Variants in SLIT1 observed in about 807,000 individuals in gnomAD.
SLIT1 encodes the protein slit homolog 1 protein.
SLIT1 carries 66 observed loss-of-function variants against 186.1 expected under a neutral mutation model. That is an observed-to-expected ratio of 0.35 (90% confidence interval 0.29 to 0.44). The LOEUF (loss-of-function observed/expected upper bound fraction) is 0.44, where lower values mean the gene tolerates loss of function less well. SLIT1 is among the 20% of genes least tolerant of loss of function. The pLI is 1.00. For synonymous variants in SLIT1, 761 were observed against 833.8 expected (o/e 0.91, Z 1.50); for missense variants, 1,638 against 2,037.4 (o/e 0.80, Z 3.77).
At chr10:97,026,910 A>C (rs1848551016) in intron 25 of SLIT1, among the ~76,000 whole-genome samples, 2 of 152,164 alleles carry the variant, frequency 1.3e-5, no homozygotes, top group Non-Finnish European at 2.9e-5. Context: ...AGAGAAGAAT[A>C]AATTGTCTGA....
chr10:97,122,884 C>G (rs1038306259), intron 4 of SLIT1, among the ~76,000 whole-genome samples: 1 of 152,136 alleles, frequency 6.6e-6, no homozygotes, highest in African/African-American at 2.4e-5. Flanking sequence ...CTCAGCAGCT[C>G]TATATTTCAC....
intron 11 of SLIT1, chr10:97,057,775 CAA>C: frequency 2.1e-6 from 1 of 486,534 alleles, no homozygotes; most frequent in East Asian, 3.1e-5. Flanking sequence ...TTAGCATTTT[CAA>C]AGTTTTCTGC....
intron 4 of SLIT1, among the ~76,000 whole-genome samples, chr10:97,145,351 C>T (rs947750219): frequency 5.9e-5 from 9 of 152,076 alleles, no homozygotes; most frequent in African/African-American, 1.7e-4. Context: ...CTCCTGACCT[C>T]GCGACCCACC....
chr10:97,001,817 C>T (rs2134584021), intron 36 of SLIT1, among the ~76,000 whole-genome samples: 1 of 152,224 alleles, frequency 6.6e-6, no homozygotes, highest in South Asian at 2.1e-4. Context: ...AAGGAGTCCC[C>T]AACCCTCGGA....
chr10:97,182,050 C>T (rs1031204164), intron 1 of SLIT1, among the ~76,000 whole-genome samples: 1 of 152,198 alleles, frequency 6.6e-6, no homozygotes, highest in East Asian at 1.9e-4. Context: ...CTTCCCGGGC[C>T]GCCTCCGCCA....
chr10:97,048,557 G>T (rs1489323199), intron 14 of SLIT1, among the ~76,000 whole-genome samples: 1 of 152,100 alleles, frequency 6.6e-6, no homozygotes, highest in Admixed American at 6.5e-5. Context: ...TTCTTCCCTA[G>T]GCCTCAATAA....
intron 4 of SLIT1, among the ~76,000 whole-genome samples, chr10:97,138,428 C>G (rs543738468): frequency 2.6e-5 from 4 of 152,342 alleles, no homozygotes; most frequent in African/African-American, 9.6e-5. Flanking sequence ...GGGACGGTCA[C>G]CACGGTCTGT....
At position 97,089,351 on chromosome 10, in the gene SLIT1, G is replaced by C. The variant is rs558719381; in HGVS notation, c.414-23265C>G. On this transcript the variant is annotated intron_variant, in intron 4 of 36. Coordinates refer to ENST00000266058, the MANE Select transcript of SLIT1 (RefSeq NM_003061.3). ...GGACTTCGCTTTTTGCAGCAGTGAG[G>C]GGTGGCAGTGAGTCCCTGTCGCACC... Among the ~76,000 whole-genome samples, 4 of 152,166 alleles carry C rather than the reference G, an allele frequency of 2.6e-5. No individual in the cohort carries two copies. In the South Asian group the frequency reaches 6.2e-4, roughly 24 times the overall value.
At chr10:97,060,060 C>G in intron 10 of SLIT1, 27 bp downstream of exon 10, 1 of 1,584,632 alleles carries the variant, frequency 6.3e-7, no homozygotes, top group Non-Finnish European at 8.7e-7. Context: ...TGTACCAGCT[C>G]CCCAGGAAGC....
In SLIT1 at chr10:97,060,854, G is replaced by A. The variant is rs377700447; in HGVS notation, c.794-67C>T. 2.1e-5 allele frequency: 31 copies of A among 1,473,828 alleles called. 1 individual carries two copies. Among genetic ancestry groups the A allele is most frequent in the African/African-American group, 2.8e-5 (2 of 71,798 alleles). The allele number at this position is 1,473,828 out of a possible 1,614,324, so 91.3% of individuals were successfully genotyped here. A position where few individuals can be genotyped will look rare whatever the true frequency, so the allele number is the denominator to read the frequency against. On this transcript the variant is annotated intron_variant, in intron 8 of 36. Transcript: ENST00000266058. Reference sequence around the variant, plus strand: ...AGCACCTCCCTTGAGCCCAGATACCGACTGATGGATGGGATAGGGTGTACA... The same window carrying A: ...AGCACCTCCCTTGAGCCCAGATACCAACTGATGGATGGGATAGGGTGTACA...
At chr10:97,130,493 T>G (rs1035622470) in intron 4 of SLIT1, among the ~76,000 whole-genome samples, 50 of 152,236 alleles carry the variant, frequency 3.3e-4, no homozygotes, top group African/African-American at 1.1e-3. Flanking sequence ...CCTCGTGAAA[T>G]AAGCCAGTCG....
At chr10:97,176,401 T>C (rs2636769) in intron 1 of SLIT1, among the ~76,000 whole-genome samples, 75,097 of 151,614 alleles carry the variant, frequency 0.5, 19,679 homozygotes, top group East Asian at 0.6. Context: ...GCCCTCCCCA[T>C]TCCCACATTC....
intron 10 of SLIT1, 59 bp downstream of exon 10, chr10:97,060,028 C>T (rs1848877491): frequency 1.4e-6 from 2 of 1,432,256 alleles, no homozygotes; most frequent in Non-Finnish European, 2.0e-6. Flanking sequence ...GCTGTGGGAC[C>T]ACCCAGGATC....
chr10:97,034,514 A>C lies in SLIT1; in HGVS notation c.2395T>G (p.Leu799Val). ...VDLSNNKISS[L>V]SNSSFTNMSQ... Reference sequence around the variant, plus strand: ...ATGTTGGTGAAGGAGGAATTGCTTAAGGAACTGATCTTGTTGTTGCTCAGG... The same window carrying C: ...ATGTTGGTGAAGGAGGAATTGCTTACGGAACTGATCTTGTTGTTGCTCAGG... Residue 799 changes from leucine to valine, a missense_variant, in exon 23 of 37, where the codon TTA becomes GTA. Leu to Val is a conservative substitution (Grantham distance 32). Transcript: ENST00000266058. 5.6e-6 allele frequency: 9 copies of C among 1,613,802 alleles called. No individual in the cohort carries two copies. The highest frequency in any genetic ancestry group is 7.6e-6 in the Non-Finnish European group (9 of 1,179,776).
In SLIT1 at chr10:97,010,020, T is replaced by TA. The variant is rs1848397331; in HGVS notation, c.3341+972dup. On this transcript the variant is annotated intron_variant, in intron 31 of 36. Coordinates refer to ENST00000266058, the MANE Select transcript of SLIT1 (RefSeq NM_003061.3). The surrounding 1 kb of genome is among the most constrained non-coding windows in gnomAD (Gnocchi z 4.8). ...TGGTAGTTCCTCAAACAGTTAAACATACAGTTAACATACGACTCAGAAAAT... is the reference window on the plus strand; with the variant it reads ...TGGTAGTTCCTCAAACAGTTAAACATAACAGTTAACATACGACTCAGAAAAT... 6.6e-6 allele frequency among the ~76,000 whole-genome samples: 1 copy of TA among 152,146 alleles called. No homozygotes were observed. Among genetic ancestry groups the TA allele is most frequent in the African/African-American group, 2.4e-5 (1 of 41,414 alleles).
chr10:97,046,008 A>G (rs903894008), intron 18 of SLIT1, among the ~76,000 whole-genome samples: 4 of 152,204 alleles, frequency 2.6e-5, no homozygotes, highest in African/African-American at 9.7e-5. Flanking sequence ...AGCCACATGA[A>G]GTGACTGGTC....
chr10:97,024,246 T>A (rs771205373), intron 25 of SLIT1, among the ~76,000 whole-genome samples: 6 of 152,092 alleles, frequency 3.9e-5, no homozygotes, highest in Non-Finnish European at 8.8e-5. Flanking sequence ...GAACAGGAAT[T>A]CCCCAAAATA....
At chr10:97,141,725 T>TTGTAC (rs1306923624) in intron 4 of SLIT1, among the ~76,000 whole-genome samples, 1 of 128,180 alleles carries the variant, frequency 7.8e-6, no homozygotes, top group African/African-American at 3.2e-5. Flanking sequence ...CTGTATTGTA[T>TTGTAC]TGTACTGTAT....
intron 4 of SLIT1, among the ~76,000 whole-genome samples, chr10:97,140,449 G>A (rs543853647): frequency 6.6e-6 from 1 of 152,118 alleles, no homozygotes; most frequent in Admixed American, 6.6e-5. Flanking sequence ...AAACAAACCC[G>A]CCAAAGGGAA....
Sources: allele counts gnomAD v4.1 joint callset (sites outside exome capture counted in the v4.1 genomes callset), GRCh38; gene constraint gnomAD v4.1.1; non-coding constraint Gnocchi (gnomAD v3.1); transcripts MANE v1.5; gene names NCBI Gene and HGNC (gene_info 2026-07-23, HGNC 2026-07-21).